AK5: variants seen among roughly 807,000 people sequenced by gnomAD.
AK5 encodes the protein adenylate kinase 5.
AK5 carries 27 observed loss-of-function variants against 69.5 expected under a neutral mutation model. The ratio of observed to expected loss-of-function variants is 0.39; its 90% CI spans 0.29 to 0.54. The LOEUF (loss-of-function observed/expected upper bound fraction) is 0.54. Ranked by LOEUF, AK5 falls within the 20% of genes least tolerant of loss-of-function variation. AK5 has a pLI of 0.71. For synonymous variants in AK5, 260 were observed against 244.4 expected (o/e 1.06, Z -0.60); for missense variants, 531 against 700.4 (o/e 0.76, Z 2.73).
intron 13 of AK5, among the ~76,000 whole-genome samples, chr1:77,549,145 G>T (rs1358772210): frequency 6.6e-5 from 10 of 151,090 alleles, no homozygotes; most frequent in African/African-American, 2.4e-4. Context: ...CAAAGTCCTG[G>T]GATTACAGGC....
chr1:77,364,481 C>T (rs1363718013), intron 6 of AK5, among the ~76,000 whole-genome samples: 1 of 152,130 alleles, frequency 6.6e-6, no homozygotes, highest in African/African-American at 2.4e-5. Flanking sequence ...TTCTTTCTAT[C>T]TAGCTGTAAT....
chr1:77,447,954 A>T (rs770691969), intron 8 of AK5, among the ~76,000 whole-genome samples: 1 of 152,194 alleles, frequency 6.6e-6, no homozygotes, highest in Non-Finnish European at 1.5e-5. Context: ...TGTTCCTCAT[A>T]GGTAGTTGCC....
intron 6 of AK5, among the ~76,000 whole-genome samples, chr1:77,365,665 A>T (rs61564607): frequency 6.6e-6 from 1 of 151,980 alleles, no homozygotes; most frequent in Non-Finnish European, 1.5e-5. Flanking sequence ...TCACGCTTCT[A>T]TGAGAATCTA....
intron 8 of AK5, among the ~76,000 whole-genome samples, chr1:77,467,288 G>T (rs1357484451): frequency 6.6e-6 from 1 of 152,142 alleles, no homozygotes. Flanking sequence ...TAAAGTGGAG[G>T]CTCCTAGTTT....
At chr1:77,297,790 G>GT (rs745988670) in intron 4 of AK5, 44 bp from the exon 5 acceptor site, 2 of 1,607,194 alleles carry the variant, frequency 1.2e-6, no homozygotes, top group East Asian at 2.2e-5. Flanking sequence ...AGTATACTAA[G>GT]TTTAACTGTG....
At chr1:77,542,291 C>T (rs1240706792) in intron 13 of AK5, among the ~76,000 whole-genome samples, 2 of 152,150 alleles carry the variant, frequency 1.3e-5, no homozygotes, top group Non-Finnish European at 1.5e-5. Flanking sequence ...CCACTGCACT[C>T]TGGCCTGGAT....
intron 5 of AK5, among the ~76,000 whole-genome samples, chr1:77,309,090 G>T (rs1216898246): frequency 6.6e-6 from 1 of 151,858 alleles, no homozygotes; most frequent in Non-Finnish European, 1.5e-5. Flanking sequence ...GGTGGGGTCG[G>T]GGGAGGGAGA....
intron 12 of AK5, among the ~76,000 whole-genome samples, chr1:77,532,833 C>T (rs1013530765): frequency 6.6e-6 from 1 of 152,186 alleles, no homozygotes; most frequent in African/African-American, 2.4e-5. Context: ...GTCCCCAAGT[C>T]TCTGATTCAT....
At chr1:77,353,161 C>T (rs1028044871) in intron 6 of AK5, among the ~76,000 whole-genome samples, 5 of 152,166 alleles carry the variant, frequency 3.3e-5, no homozygotes, top group East Asian at 1.9e-4. Context: ...TAATCACTCA[C>T]CTCTGTCATG....
intron 5 of AK5, among the ~76,000 whole-genome samples, chr1:77,321,655 A>C (rs12089711): frequency 0.016 from 2,495 of 152,284 alleles, 69 homozygotes; most frequent in African/African-American, 0.057. Context: ...GTCATACTTA[A>C]TGGTAAAATG....
At chr1:77,533,135 C>T (rs1658742606) in intron 12 of AK5, among the ~76,000 whole-genome samples, 1 of 152,028 alleles carries the variant, frequency 6.6e-6, no homozygotes, top group Non-Finnish European at 1.5e-5. Context: ...TAGGTCAAAC[C>T]CCCTAGTTTT....
intron 10 of AK5, among the ~76,000 whole-genome samples, chr1:77,495,907 T>C (rs2647508): frequency 0.98 from 149,969 of 152,350 alleles, 73,863 homozygotes; most frequent in East Asian, 1. Context: ...TACATTCATC[T>C]GTTAGGTATA....
rs1647043848 is a variant in AK5 at position 77,368,245 on chromosome 1, A to ATATAATATATATGTTATATATAT, written c.891+27681_891+27682insATATATATGTTATATATATTATA. 2.6e-3 allele frequency among the ~76,000 whole-genome samples: 174 copies of ATATAATATATATGTTATATATAT among 67,860 alleles called. 7 individuals are homozygous for ATATAATATATATGTTATATATAT. The highest frequency in any genetic ancestry group is 8.2e-3 in the African/African-American group (169 of 20,618). The allele number at this position is 67,860 out of a possible 152,430, so 44.5% of individuals were successfully genotyped here. A position where few individuals can be genotyped will look rare whatever the true frequency, so the allele number is the denominator to read the frequency against. ...TATATATATATATATATATATATAT[A>ATATAATATATATGTTATATATAT]TATATATAATATATATGTTATATAT... On this transcript the variant is annotated intron_variant, in intron 6 of 13. Transcript: ENST00000354567.
In AK5 at chr1:77,282,110, G is replaced by A. The variant is rs1658091517; in HGVS notation, c.-204G>A. Reference sequence around the variant, plus strand: ...CGGGGGCTGGAACCGAAGCGGGGGCGGCGGGAGCGCGGAGACCACAGCCCC... The same window carrying A: ...CGGGGGCTGGAACCGAAGCGGGGGCAGCGGGAGCGCGGAGACCACAGCCCC... On this transcript the variant is annotated 5_prime_UTR_variant, in exon 1 of 14. Coordinates refer to ENST00000354567, the MANE Select transcript of AK5 (RefSeq NM_174858.3). The A allele has an allele frequency of 2.4e-6, 1 of 423,588 alleles. No individual in the cohort carries two copies. Among genetic ancestry groups the A allele is most frequent in the Admixed American group, 4.5e-5 (1 of 22,160 alleles). The allele number at this position is 423,588 out of a possible 1,614,324, so 26.2% of individuals were successfully genotyped here.
intron 5 of AK5, among the ~76,000 whole-genome samples, chr1:77,301,332 G>A (rs1659331410): frequency 6.6e-6 from 1 of 152,194 alleles, no homozygotes; most frequent in African/African-American, 2.4e-5. Context: ...GTGAAGGTCT[G>A]AAGTCTCAGA....
intron 8 of AK5, among the ~76,000 whole-genome samples, chr1:77,478,117 C>T (rs957701192): frequency 2.6e-5 from 4 of 152,334 alleles, no homozygotes; most frequent in South Asian, 2.1e-4. Context: ...AGCCCAGGCA[C>T]ATCCCCATCC....
chr1:77,419,699 C>T (rs546264261), intron 8 of AK5, among the ~76,000 whole-genome samples: 1 of 152,154 alleles, frequency 6.6e-6, no homozygotes, highest in Admixed American at 6.5e-5. Flanking sequence ...ACTTAGGAGA[C>T]ATTGAGGATA....
At chr1:77,380,700 G>A (rs566740350) in intron 6 of AK5, among the ~76,000 whole-genome samples, 2 of 152,194 alleles carry the variant, frequency 1.3e-5, no homozygotes, top group African/African-American at 4.8e-5. Flanking sequence ...GCACAGACAA[G>A]TCACTCAACA....
intron 10 of AK5, among the ~76,000 whole-genome samples, chr1:77,505,767 A>G (rs1656990527): frequency 6.6e-6 from 1 of 152,000 alleles, no homozygotes; most frequent in Admixed American, 6.6e-5. Context: ...TGCATGCTGC[A>G]TACCTGTAAT....
Sources: allele counts gnomAD v4.1 joint callset (sites outside exome capture counted in the v4.1 genomes callset), GRCh38; gene constraint gnomAD v4.1.1; transcripts MANE v1.5; gene names NCBI Gene and HGNC (gene_info 2026-07-23, HGNC 2026-07-21).